Variants in HTR2C observed in about 807,000 individuals in gnomAD.
The protein encoded by HTR2C is 5-hydroxytryptamine receptor 2C.
Under a neutral mutation model 21.0 loss-of-function variants are expected in HTR2C, and 5 were observed. The observed-to-expected ratio is 0.24, with a 90% confidence interval of 0.12 to 0.50. HTR2C has a LOEUF of 0.50. HTR2C is among the 20% of genes least tolerant of loss of function. The pLI, the probability that HTR2C is intolerant of heterozygous loss-of-function variation, is 0.98. For synonymous variants in HTR2C, 150 were observed against 145.3 expected (o/e 1.03, Z -0.23); for missense variants, 271 against 371.2 (o/e 0.73, Z 2.22).
intron 2 of HTR2C, among the ~76,000 whole-genome samples, chrX:114,621,177 G>A (rs1350516380): frequency 7.1e-5 from 8 of 112,309 alleles, no homozygotes; most frequent in Admixed American, 9.5e-5. Flanking sequence ...TATGGCACCC[G>A]GCCTGAGAGT....
chrX:114,629,538 T>C (rs782366988), intron 2 of HTR2C, among the ~76,000 whole-genome samples: 1 of 112,002 alleles, frequency 8.9e-6, no homozygotes, highest in South Asian at 3.7e-4. Context: ...AACCAAGCAT[T>C]TGTGGGAACG....
intron 4 of HTR2C, among the ~76,000 whole-genome samples, chrX:114,753,460 C>T (rs1203268700): frequency 6.3e-5 from 7 of 110,884 alleles, no homozygotes; most frequent in Non-Finnish European, 1.3e-4. Flanking sequence ...TGCAATAAGG[C>T]AAAAAGAGGC....
At chrX:114,696,834 G>A (rs187277924) in intron 2 of HTR2C, among the ~76,000 whole-genome samples, 11 of 109,569 alleles carry the variant, frequency 1.0e-4, no homozygotes, top group African/African-American at 3.3e-4. Context: ...CCTCTTTATC[G>A]CATAAATCTT....
At chrX:114,592,534 T>TA (rs781905440) in intron 1 of HTR2C, among the ~76,000 whole-genome samples, 1 of 111,437 alleles carries the variant, frequency 9.0e-6, no homozygotes, top group Non-Finnish European at 1.9e-5. Flanking sequence ...GAGAAATTAT[T>TA]AAAAAAACAC....
chrX:114,856,033 T>C (rs1440466827), intron 5 of HTR2C, among the ~76,000 whole-genome samples: 2 of 70,583 alleles, frequency 2.8e-5, no homozygotes, highest in African/African-American at 4.3e-5. Flanking sequence ...AGTCAAATTG[T>C]CCCTGTTTGC....
chrX:114,644,534 C>T (rs1930290325), intron 2 of HTR2C, among the ~76,000 whole-genome samples: 1 of 101,380 alleles, frequency 9.9e-6, no homozygotes, highest in South Asian at 4.5e-4. Context: ...TGCATTGTTC[C>T]CTTTTAATTT....
At chrX:114,765,245 CCTTA>C (rs1325866651) in intron 4 of HTR2C, among the ~76,000 whole-genome samples, 1 of 110,008 alleles carries the variant, frequency 9.1e-6, no homozygotes, top group Non-Finnish European at 1.9e-5. Context: ...AGTTCTCAGT[CCTTA>C]CTTCATGAAC....
chrX:114,891,002 T>G (rs1027380226), intron 5 of HTR2C, among the ~76,000 whole-genome samples: 14 of 111,747 alleles, frequency 1.3e-4, no homozygotes, highest in African/African-American at 4.5e-4. Context: ...AGTCTCAGGC[T>G]TAATTCATAT....
chrX:114,659,652 A>G (rs1556409835), intron 2 of HTR2C, among the ~76,000 whole-genome samples: 1 of 111,150 alleles, frequency 9.0e-6, no homozygotes, highest in African/African-American at 3.3e-5. Context: ...TATATACAAT[A>G]TAGTCAACAT....
At chrX:114,604,047 G>T (rs1928272927) in intron 1 of HTR2C, among the ~76,000 whole-genome samples, 1 of 107,546 alleles carries the variant, frequency 9.3e-6, no homozygotes. Flanking sequence ...ATGGGATATT[G>T]GCGTTGAGTG....
intron 4 of HTR2C, among the ~76,000 whole-genome samples, chrX:114,816,772 A>G (rs1665302647): frequency 9.0e-6 from 1 of 110,901 alleles, no homozygotes; most frequent in South Asian, 3.8e-4. Context: ...TGAAGCATCA[A>G]AATCAATGAT....
intron 1 of HTR2C, among the ~76,000 whole-genome samples, chrX:114,606,439 C>A (rs781843376): frequency 1.8e-5 from 2 of 111,550 alleles, no homozygotes; most frequent in Non-Finnish European, 3.8e-5. Context: ...GTCCCTGCAA[C>A]GATTAAACAC....
At chrX:114,801,614 C>T (rs2070346960) in intron 4 of HTR2C, among the ~76,000 whole-genome samples, 1 of 111,323 alleles carries the variant, frequency 9.0e-6, no homozygotes, top group African/African-American at 3.3e-5. Flanking sequence ...GGTTTGAATA[C>T]ACATATTATA....
At chrX:114,596,039 G>T (rs1927830570) in intron 1 of HTR2C, among the ~76,000 whole-genome samples, 1 of 111,622 alleles carries the variant, frequency 9.0e-6, no homozygotes, top group Non-Finnish European at 1.9e-5. Flanking sequence ...ATAACAGAGG[G>T]TACCTTCTGC....
chrX:114,675,659 G>A (rs1569483197), intron 2 of HTR2C, among the ~76,000 whole-genome samples: 3 of 111,382 alleles, frequency 2.7e-5, no homozygotes, highest in Non-Finnish European at 5.7e-5. Context: ...GAGCTTTGTT[G>A]TAGTACACTG....
chrX:114,811,095 AAGCCTCTG>A (rs1330357045), intron 4 of HTR2C, among the ~76,000 whole-genome samples: 1 of 111,864 alleles, frequency 8.9e-6, no homozygotes, highest in Non-Finnish European at 1.9e-5. Context: ...AGTTCCAAGA[AAGCCTCTG>A]AGCTGGTGTG....
chrX:114,806,053 T>G (rs201814576), intron 4 of HTR2C, among the ~76,000 whole-genome samples: 6 of 36,902 alleles, frequency 1.6e-4, no homozygotes, highest in Non-Finnish European at 2.4e-4. Flanking sequence ...ACCATATGCA[T>G]ACCATATATA....
intron 4 of HTR2C, among the ~76,000 whole-genome samples, chrX:114,838,825 T>C (rs2070809594): frequency 8.9e-6 from 1 of 112,181 alleles, no homozygotes; most frequent in African/African-American, 3.2e-5. Flanking sequence ...CTATGCTCTA[T>C]GGATAATGGA....
At chrX:114,662,995 T>C (rs1556410422) in intron 2 of HTR2C, among the ~76,000 whole-genome samples, 1 of 111,520 alleles carries the variant, frequency 9.0e-6, no homozygotes, top group African/African-American at 3.3e-5. Flanking sequence ...TAGGTGTATT[T>C]AGGTGTATTA....
Sources: allele counts gnomAD v4.1 joint callset (sites outside exome capture counted in the v4.1 genomes callset), GRCh38; gene constraint gnomAD v4.1.1; transcripts MANE v1.5; gene names NCBI Gene and HGNC (gene_info 2026-07-23, HGNC 2026-07-21).